DIS3L2: variants seen among roughly 807,000 people sequenced by gnomAD.
DIS3L2 encodes the protein DIS3-like exonuclease 2.
DIS3L2 carries 34 observed loss-of-function variants against 97.5 expected under a neutral mutation model. That is an observed-to-expected ratio of 0.35 (90% CI 0.27 to 0.46). The LOEUF (loss-of-function observed/expected upper bound fraction) is 0.46, where lower values mean the gene tolerates loss of function less well. Among genes scored for constraint, DIS3L2 ranks in the 20% least tolerant of loss-of-function variants. DIS3L2 has a pLI of 1.00. For missense variants in DIS3L2, 1,038 were observed against 1,146.0 expected (o/e 0.91, Z 1.36); for synonymous variants, 435 against 445.2 (o/e 0.98, Z 0.29).
At chr2:232,208,902 C>A (rs1026116844) in intron 9 of DIS3L2, among the ~76,000 whole-genome samples, 1 of 151,828 alleles carries the variant, frequency 6.6e-6, no homozygotes, top group Non-Finnish European at 1.5e-5. Context: ...GTGGCATGCA[C>A]CTATACTGTC....
chr2:232,005,378 G>A (rs889086811), intron 1 of DIS3L2, among the ~76,000 whole-genome samples: 9 of 152,052 alleles, frequency 5.9e-5, no homozygotes, highest in Admixed American at 5.9e-4. Flanking sequence ...GACTTGAAGA[G>A]TCATAAGAAT....
At chr2:232,315,924 C>G (rs1695260617) in intron 14 of DIS3L2, among the ~76,000 whole-genome samples, 1 of 152,242 alleles carries the variant, frequency 6.6e-6, no homozygotes, top group Non-Finnish European at 1.5e-5. Flanking sequence ...TGACCCCACA[C>G]CTACCCCAAA....
chr2:232,264,890 T>A (rs1325220618), intron 13 of DIS3L2, among the ~76,000 whole-genome samples: 1 of 152,212 alleles, frequency 6.6e-6, no homozygotes, highest in African/African-American at 2.4e-5. Flanking sequence ...TCTGGAGTTC[T>A]CCTGCTCCTC....
intron 8 of DIS3L2, among the ~76,000 whole-genome samples, chr2:232,156,888 A>G (rs958640656): frequency 1.3e-5 from 2 of 152,212 alleles, no homozygotes; most frequent in Non-Finnish European, 2.9e-5. Context: ...ATGCTATCTA[A>G]TTAATGGATG....
intron 9 of DIS3L2, among the ~76,000 whole-genome samples, chr2:232,191,404 G>T (rs72992344): frequency 0.012 from 1,888 of 152,208 alleles, 17 homozygotes; most frequent in Non-Finnish European, 0.018. Flanking sequence ...AAATCAGGTG[G>T]GTGATCAAGC....
At chr2:232,010,650 G>A (rs1425563667) in intron 1 of DIS3L2, among the ~76,000 whole-genome samples, 2 of 151,074 alleles carry the variant, frequency 1.3e-5, no homozygotes, top group East Asian at 1.9e-4. Flanking sequence ...TTCGCTATTC[G>A]GCTTCATACA....
chr2:232,107,412 G>A (rs1192220046), intron 6 of DIS3L2, among the ~76,000 whole-genome samples: 2 of 152,076 alleles, frequency 1.3e-5, no homozygotes, highest in African/African-American at 4.8e-5. Context: ...GAAATGATAA[G>A]GGGTAGGCTG....
At chr2:232,118,926 TA>T (rs1297549548) in intron 6 of DIS3L2, among the ~76,000 whole-genome samples, 3 of 152,208 alleles carry the variant, frequency 2.0e-5, no homozygotes, top group Non-Finnish European at 4.4e-5. Context: ...ATGCTATCTG[TA>T]AAAATGAATT....
chr2:232,335,927 C>T (rs1559221022), intron 20 of DIS3L2, 53 bp downstream of exon 20: 2 of 1,548,192 alleles, frequency 1.3e-6, no homozygotes, highest in South Asian at 1.2e-5. Flanking sequence ...CCCTCTCCTG[C>T]CTCCTGCGGT....
chr2:231,989,031 A>C (rs1371375121), intron 1 of DIS3L2, among the ~76,000 whole-genome samples: 1 of 152,166 alleles, frequency 6.6e-6, no homozygotes, highest in African/African-American at 2.4e-5. Context: ...TGAGCTTTGC[A>C]ACCCTTTTTT....
At chr2:232,001,557 CTTTTTTTTTTTT>C (rs57766848) in intron 1 of DIS3L2, among the ~76,000 whole-genome samples, 179 of 61,936 alleles carry the variant, frequency 2.9e-3, no homozygotes, top group African/African-American at 0.015. Flanking sequence ...TGCCATTTGT[CTTTTTTTTTTTT>C]TTTTTTTTTT....
At chr2:232,176,188 G>A (rs917745669) in intron 9 of DIS3L2, among the ~76,000 whole-genome samples, 1 of 152,196 alleles carries the variant, frequency 6.6e-6, no homozygotes, top group Non-Finnish European at 1.5e-5. Flanking sequence ...ACCGCACCCG[G>A]CTTCTTCCTA....
intron 1 of DIS3L2, among the ~76,000 whole-genome samples, chr2:231,984,496 C>G (rs901669340): frequency 6.6e-6 from 1 of 151,212 alleles, no homozygotes; most frequent in African/African-American, 2.4e-5. Context: ...ACGCCATTCT[C>G]CTGCCTCAGC....
In DIS3L2 at chr2:232,116,920, C is replaced by T. The variant is rs79113796; in HGVS notation, c.602-13699C>T. On this transcript the variant is annotated intron_variant, in intron 6 of 20. Transcript: ENST00000325385. ...CCACCCCTGTTCCTGTAAGTGGAAC[C>T]AGCCGTCCACGCTTCATAGCTTTTG... is the stretch of plus-strand genomic sequence containing the variant. Among the ~76,000 whole-genome samples the T allele has an allele frequency of 2.8e-3, 433 of 152,274 alleles. 1 individual carries two copies. The highest frequency in any genetic ancestry group is 4.7e-3 in the Non-Finnish European group (321 of 68,028).
intron 7 of DIS3L2, among the ~76,000 whole-genome samples, chr2:232,133,230 C>T (rs1698267666): frequency 6.6e-6 from 1 of 152,192 alleles, no homozygotes; most frequent in Non-Finnish European, 1.5e-5. Context: ...GACCAGGTGG[C>T]CTGGCTTGGG....
chr2:232,037,085 T>C lies in DIS3L2; in HGVS notation c.366+7005T>C, dbSNP rs1694971261. Among the ~76,000 whole-genome samples the C allele has an allele frequency of 6.6e-6, 1 of 152,248 alleles. No individual in the cohort carries two copies. The highest frequency in any genetic ancestry group is 1.9e-4 in the East Asian group (1 of 5,198). On this transcript the variant is annotated intron_variant, in intron 5 of 20. Coordinates refer to ENST00000325385, the MANE Select transcript of DIS3L2 (RefSeq NM_152383.5). This position sits in a 1 kb window ranked among gnomAD's most constrained non-coding sequence, Gnocchi z 4.6. ...CGCTGTGCTGGGAGATCTGCTGCTC[T>C]CTTCAGAGCTGGCAGGCAGGAATGT...
At chr2:232,008,014 CT>C (rs950220307) in intron 1 of DIS3L2, among the ~76,000 whole-genome samples, 2 of 150,396 alleles carry the variant, frequency 1.3e-5, no homozygotes, top group Non-Finnish European at 1.5e-5. Flanking sequence ...TTTTCTACTA[CT>C]TTTTTTTTGG....
chr2:232,306,862 C>A lies in DIS3L2; in HGVS notation c.1739+6743C>A, dbSNP rs1228424534. Among the ~76,000 whole-genome samples, 4 of 152,270 alleles carry A rather than the reference C, an allele frequency of 2.6e-5. No individual in the cohort carries two copies. In the East Asian group the frequency reaches 7.7e-4, roughly 29 times the overall value. On this transcript the variant is annotated intron_variant, in intron 14 of 20. Transcript: ENST00000325385. The stretch of plus-strand genomic sequence containing the variant: ...CCTGTCTTCCTGCCCTGGCACCCTA[C>A]ATGCTGTCTGTACCAGATTACCTCA...
intron 14 of DIS3L2, among the ~76,000 whole-genome samples, chr2:232,304,394 G>A (rs529613442): frequency 6.6e-6 from 1 of 152,308 alleles, no homozygotes; most frequent in African/African-American, 2.4e-5. Flanking sequence ...AGATACGTTA[G>A]ACCCAGTGCA....
Sources: gnomAD v4.1 joint callset for allele counts (sites outside exome capture counted in the v4.1 genomes callset) on GRCh38, gnomAD v4.1.1 for gene constraint, Gnocchi (gnomAD v3.1) non-coding constraint, MANE v1.5 for transcripts, NCBI Gene and HGNC (gene_info 2026-07-23, HGNC 2026-07-21) for gene names.